GRIP1: variants seen among roughly 807,000 people sequenced by gnomAD.
The protein encoded by GRIP1 is glutamate receptor-interacting protein 1.
Under a neutral mutation model 129.9 loss-of-function variants are expected in GRIP1, and 45 were observed. The observed-to-expected ratio is 0.35, with a 90% confidence interval of 0.27 to 0.44. The LOEUF is 0.44. Among genes scored for constraint, GRIP1 ranks in the 20% least tolerant of loss-of-function variants. The pLI is 1.00. For synonymous variants in GRIP1, 530 were observed against 520.8 expected (o/e 1.02, Z -0.24); for missense variants, 1,196 against 1,396.8 (o/e 0.86, Z 2.29).
intron 1 of GRIP1, among the ~76,000 whole-genome samples, chr12:67,038,321 T>C (rs562155983): frequency 6.6e-6 from 1 of 152,308 alleles, no homozygotes; most frequent in African/African-American, 2.4e-5. Flanking sequence ...ACTGCCACAT[T>C]CCACAAGGTA....
At chr12:66,412,395 A>G (rs1280839353) in intron 15 of GRIP1, among the ~76,000 whole-genome samples, 1 of 152,176 alleles carries the variant, frequency 6.6e-6, no homozygotes, top group Non-Finnish European at 1.5e-5. Flanking sequence ...CTTCATAAGC[A>G]AAGGAGAAAT....
chr12:66,651,711 AG>A (rs1306238663), intron 1 of GRIP1, among the ~76,000 whole-genome samples: 3 of 152,182 alleles, frequency 2.0e-5, no homozygotes, highest in Admixed American at 6.5e-5. Context: ...CTGGGTAATG[AG>A]GAAAAAAAAT....
At chr12:67,026,154 T>C (rs1020178479) in intron 1 of GRIP1, among the ~76,000 whole-genome samples, 1 of 152,242 alleles carries the variant, frequency 6.6e-6, no homozygotes, top group Non-Finnish European at 1.5e-5. Context: ...TTGAAAACCT[T>C]AGATGCTCTC....
intron 8 of GRIP1, among the ~76,000 whole-genome samples, chr12:66,463,758 C>T (rs771837927): frequency 6.6e-6 from 1 of 152,110 alleles, no homozygotes; most frequent in Non-Finnish European, 1.5e-5. Context: ...AAGGGGCTAG[C>T]TGCTACATCT....
chr12:66,814,477 T>A (rs553727367), intron 1 of GRIP1, among the ~76,000 whole-genome samples: 1 of 152,264 alleles, frequency 6.6e-6, no homozygotes, highest in African/African-American at 2.4e-5. Flanking sequence ...GAACTGTCCT[T>A]TTTATTGTTA....
chr12:66,432,641 CA>C lies in GRIP1; in HGVS notation c.1688-14del, dbSNP rs1565732072. The C allele has an allele frequency of 1.3e-6, 2 of 1,504,380 alleles. No homozygotes were observed. The highest frequency in any genetic ancestry group is 1.7e-4 in the Middle Eastern group (1 of 5,834). 93.2% of individuals were successfully genotyped at this position (1,504,380 alleles called of 1,614,324 possible). A position where few individuals can be genotyped will look rare whatever the true frequency, so the allele number is the denominator to read the frequency against. On this transcript the variant is annotated splice_polypyrimidine_tract_variant and intron_variant, in intron 13 of 24. Coordinates refer to ENST00000359742, the MANE Select transcript of GRIP1 (RefSeq NM_001366722.1). ...GGGATGACAGACTCTAATATCAAAA[CA>C]AAAAAGAATGTGTTAATAGAACACT...
At chr12:66,827,873 C>A (rs1414851093) in intron 1 of GRIP1, among the ~76,000 whole-genome samples, 1 of 152,112 alleles carries the variant, frequency 6.6e-6, no homozygotes, top group African/African-American at 2.4e-5. Flanking sequence ...AAAAACATAT[C>A]TTGCTTATAG....
chr12:67,046,273 A>G (rs1172415131), intron 1 of GRIP1, among the ~76,000 whole-genome samples: 1 of 152,140 alleles, frequency 6.6e-6, no homozygotes, highest in Non-Finnish European at 1.5e-5. Context: ...AGGCAGGAGG[A>G]GCCCTCCCCT....
At chr12:66,765,140 T>A (rs61132726) in intron 1 of GRIP1, among the ~76,000 whole-genome samples, 1 of 40,730 alleles carries the variant, frequency 2.5e-5, no homozygotes, top group Non-Finnish European at 7.1e-5. Flanking sequence ...TGAAATCACA[T>A]TTGGTCTTCC....
At chr12:66,570,946 A>G (rs2062940602) in intron 2 of GRIP1, 1 of 152,170 alleles carries the variant, frequency 6.6e-6, no homozygotes. Context: ...AAGCTTTTGA[A>G]GGTTAGACAA....
chr12:66,571,675 T>C (rs778583024), intron 2 of GRIP1, among the ~76,000 whole-genome samples: 8 of 152,216 alleles, frequency 5.3e-5, no homozygotes, highest in Non-Finnish European at 1.0e-4. Context: ...ATTGCTTCCC[T>C]TTCCTAGGTG....
chr12:66,643,406 C>A (rs570607000), intron 1 of GRIP1, among the ~76,000 whole-genome samples: 1 of 152,086 alleles, frequency 6.6e-6, no homozygotes, highest in Non-Finnish European at 1.5e-5. Context: ...ATAAAGATAT[C>A]AAACTATTTT....
At chr12:66,899,262 T>C (rs1300021489) in intron 1 of GRIP1, among the ~76,000 whole-genome samples, 1 of 152,150 alleles carries the variant, frequency 6.6e-6, no homozygotes, top group Non-Finnish European at 1.5e-5. Context: ...AGCTCTCTCA[T>C]TCACTAGTCA....
rs183900186 is a variant in GRIP1 at position 66,503,876 on chromosome 12, A to C, written c.724+11743T>G. ...TGTTCTGGGAAATGTGAGGTTAGAAAGAGAAGACTGTTGACCACTTGGGAC... is the reference window on the plus strand; with the variant it reads ...TGTTCTGGGAAATGTGAGGTTAGAACGAGAAGACTGTTGACCACTTGGGAC... On this transcript the variant is annotated intron_variant, in intron 7 of 24. Transcript: ENST00000359742. Among the ~76,000 whole-genome samples the C allele has an allele frequency of 2.4e-3, 366 of 152,316 alleles. 2 individuals carry two copies. Among genetic ancestry groups the C allele is most frequent in the Admixed American group, 0.019 (286 of 15,302 alleles).
At chr12:67,034,635 G>C (rs1004785556) in intron 1 of GRIP1, among the ~76,000 whole-genome samples, 8 of 152,236 alleles carry the variant, frequency 5.3e-5, no homozygotes, top group African/African-American at 1.4e-4. Flanking sequence ...GTGAGTAAAT[G>C]ATGAGTGAAT....
rs901991801 is a variant in GRIP1, at chr12:66,907,462, A to G, written c.58+161588T>C. On this transcript the variant is annotated intron_variant, in intron 1 of 1. Transcript: ENST00000643019. Reference sequence around the variant, plus strand: ...TTAAGCATAACAAGGAAGAGATAAGAAGGACTGGGTTACATTCAGCAAATG... The same window carrying G: ...TTAAGCATAACAAGGAAGAGATAAGGAGGACTGGGTTACATTCAGCAAATG... Among the ~76,000 whole-genome samples, 8 of 152,204 alleles carry G rather than the reference A, an allele frequency of 5.3e-5. 1 individual carries two copies. The highest frequency in any genetic ancestry group is 8.8e-5 in the Non-Finnish European group (6 of 68,034).
At chr12:66,524,890 T>C (rs1392103034) in intron 5 of GRIP1, among the ~76,000 whole-genome samples, 1 of 152,172 alleles carries the variant, frequency 6.6e-6, no homozygotes, top group East Asian at 1.9e-4. Context: ...CATCAGAGAA[T>C]ACTACAAATA....
chr12:67,046,788 G>A (rs1306439226), intron 1 of GRIP1, among the ~76,000 whole-genome samples: 1 of 152,094 alleles, frequency 6.6e-6, no homozygotes. Context: ...TAGAATCACA[G>A]TAGTGGGATC....
At chr12:66,884,485 G>A (rs1365574409) in intron 1 of GRIP1, among the ~76,000 whole-genome samples, 1 of 152,128 alleles carries the variant, frequency 6.6e-6, no homozygotes, top group Non-Finnish European at 1.5e-5. Context: ...GCACGAACAG[G>A]ATGTAAAGGA....
Sources: gnomAD v4.1 joint callset for allele counts (sites outside exome capture counted in the v4.1 genomes callset) on GRCh38, gnomAD v4.1.1 for gene constraint, MANE v1.5 for transcripts, NCBI Gene and HGNC (gene_info 2026-07-23, HGNC 2026-07-21) for gene names.